The following GIPC2 variants were observed in gnomAD, a reference collection of about 807,000 sequenced individuals.
The protein encoded by GIPC2 is GIPC PDZ domain containing family member 2, also known as PDZ domain-containing protein GIPC2.
A neutral mutation model predicts 30.6 loss-of-function variants in GIPC2; 30 were observed. The ratio of observed to expected loss-of-function variants is 0.98; its 90% CI spans 0.73 to 1.33. The LOEUF (loss-of-function observed/expected upper bound fraction) is 1.33. GIPC2 is among the 40% of genes most tolerant of loss of function. GIPC2 has a pLI of 0.00. For missense variants in GIPC2, 414 were observed against 390.3 expected (o/e 1.06, Z -0.51); for synonymous variants, 167 against 150.0 (o/e 1.11, Z -0.83).
intron 1 of GIPC2, among the ~76,000 whole-genome samples, chr1:78,074,058 G>A (rs1046456157): frequency 6.6e-6 from 1 of 152,046 alleles, no homozygotes; most frequent in African/African-American, 2.4e-5. Context: ...TTTTTATGAG[G>A]AGAAATGCAA....
At position 78,046,269 on chromosome 1, in the gene GIPC2, G is replaced by A. The variant is rs991750984; in HGVS notation, c.175G>A (p.Gly59Ser). The A allele has an allele frequency of 3.1e-6, 5 of 1,611,706 alleles. No homozygotes were observed. The highest frequency in any genetic ancestry group is 1.7e-4 in the Middle Eastern group (1 of 6,028). Reference protein sequence around the residue: ...AHGSATGRVEGFSSIQELYAQ... With the variant: ...AHGSATGRVESFSSIQELYAQ... Reference sequence around the variant, plus strand: ...CGGTAGTGCCACGGGCCGAGTGGAGGGCTTCTCCAGCATCCAGGAGCTCTA... The same window carrying A: ...CGGTAGTGCCACGGGCCGAGTGGAGAGCTTCTCCAGCATCCAGGAGCTCTA... The change falls in exon 1 of 6, where the codon GGC (glycine) becomes AGC (serine). Residue 59 changes from glycine to serine, a missense_variant. By Grantham distance (56) the Gly-to-Ser change is moderately conservative. Coordinates refer to ENST00000370759, the MANE Select transcript of GIPC2 (RefSeq NM_017655.6).
intron 5 of GIPC2, among the ~76,000 whole-genome samples, chr1:78,134,566 C>G (rs1007694812): frequency 2.0e-5 from 3 of 152,118 alleles, no homozygotes; most frequent in Non-Finnish European, 2.9e-5. Flanking sequence ...ACTGCACCCC[C>G]ACCCTACTTC....
At chr1:78,079,369 A>C (rs1661784206) in intron 1 of GIPC2, among the ~76,000 whole-genome samples, 1 of 152,124 alleles carries the variant, frequency 6.6e-6, no homozygotes, top group Non-Finnish European at 1.5e-5. Flanking sequence ...TATTTTATGA[A>C]GCTCTTCTGA....
intron 3 of GIPC2, among the ~76,000 whole-genome samples, chr1:78,104,131 G>C (rs1212616155): frequency 6.8e-6 from 1 of 148,078 alleles, no homozygotes; most frequent in Non-Finnish European, 1.5e-5. Context: ...GCAAAACCAA[G>C]AGTAAATTTC....
chr1:78,087,993 A>T (rs1571498969), intron 2 of GIPC2, among the ~76,000 whole-genome samples: 1 of 151,494 alleles, frequency 6.6e-6, no homozygotes, highest in Non-Finnish European at 1.5e-5. Flanking sequence ...CAATAATATT[A>T]AAAAAAAAGC....
intron 1 of GIPC2, among the ~76,000 whole-genome samples, chr1:78,073,177 C>T (rs1395186284): frequency 1.3e-5 from 2 of 151,458 alleles, no homozygotes; most frequent in Admixed American, 6.6e-5. Flanking sequence ...GATCTCAGCT[C>T]ACTGCAACCT....
At chr1:78,103,114 C>A (rs755006941) in intron 3 of GIPC2, among the ~76,000 whole-genome samples, 1 of 152,222 alleles carries the variant, frequency 6.6e-6, no homozygotes, top group African/African-American at 2.4e-5. Context: ...ACTTCTAAAC[C>A]AAGCAGTCAG....
chr1:78,110,994 CT>C (rs1453085059), intron 3 of GIPC2, among the ~76,000 whole-genome samples: 1 of 152,204 alleles, frequency 6.6e-6, no homozygotes, highest in African/African-American at 2.4e-5. Flanking sequence ...GTCTGCAATA[CT>C]GAGGATTGCT....
intron 4 of GIPC2, among the ~76,000 whole-genome samples, chr1:78,121,172 G>A (rs616332): frequency 0.23 from 34,865 of 152,050 alleles, 4,554 homozygotes; most frequent in East Asian, 0.65. Flanking sequence ...CAAGAAGGGT[G>A]GAGGAAGAAA....
chr1:78,092,344 A>G (rs762097065), intron 2 of GIPC2, among the ~76,000 whole-genome samples: 6 of 152,218 alleles, frequency 3.9e-5, no homozygotes, highest in African/African-American at 9.6e-5. Flanking sequence ...GGAAACCTCT[A>G]TGTTTAATAA....
chr1:78,105,493 G>A (rs1662328457), intron 3 of GIPC2, among the ~76,000 whole-genome samples: 1 of 151,856 alleles, frequency 6.6e-6, no homozygotes, highest in Non-Finnish European at 1.5e-5. Flanking sequence ...TCACCATGTT[G>A]GCCAAGATGG....
At chr1:78,124,111 A>G (rs1662737140) in intron 4 of GIPC2, among the ~76,000 whole-genome samples, 1 of 152,254 alleles carries the variant, frequency 6.6e-6, no homozygotes, top group South Asian at 2.1e-4. Context: ...ATTTGCATGT[A>G]TAGTTGAGTA....
rs1054930504 is a variant in GIPC2, at chr1:78,078,113, G to A, written c.241-2562G>A. Among the ~76,000 whole-genome samples the A allele has an allele frequency of 6.8e-5, 10 of 147,940 alleles. No homozygotes were observed. In the South Asian group the frequency reaches 1.3e-3, roughly 20 times the overall value. ...TGAGGCAGGAGAATGGCGTGAACCC[G>A]GGAGGCGGAGCTTGCAGTGAGCCGA... On this transcript the variant is annotated intron_variant, in intron 1 of 5. Transcript: ENST00000370759.
intron 5 of GIPC2, among the ~76,000 whole-genome samples, chr1:78,127,376 A>T (rs965800869): frequency 1.3e-5 from 2 of 152,236 alleles, no homozygotes; most frequent in African/African-American, 2.4e-5. Flanking sequence ...TGAAGAAATC[A>T]GAAACATAAC....
intron 1 of GIPC2, among the ~76,000 whole-genome samples, chr1:78,078,242 A>G (rs1384262964): frequency 2.6e-5 from 4 of 151,294 alleles, no homozygotes; most frequent in Admixed American, 2.0e-4. Flanking sequence ...TTTGCAGTTC[A>G]AAATATAAAA....
chr1:78,094,827 C>G, intron 2 of GIPC2, 125 bp from the exon 3 acceptor site: 1 of 603,676 alleles, frequency 1.7e-6, no homozygotes, highest in Non-Finnish European at 2.9e-6. Context: ...ATCTGATATT[C>G]CCAGGCAGTC....
intron 3 of GIPC2, among the ~76,000 whole-genome samples, chr1:78,106,504 G>C (rs1464759176): frequency 6.6e-6 from 1 of 151,996 alleles, no homozygotes; most frequent in Non-Finnish European, 1.5e-5. Context: ...GGCTTGCAGT[G>C]AGCAGAGATC....
At chr1:78,122,236 G>A (rs947365998) in intron 4 of GIPC2, among the ~76,000 whole-genome samples, 3 of 152,156 alleles carry the variant, frequency 2.0e-5, no homozygotes, top group Admixed American at 6.5e-5. Context: ...GCTGTTTGGT[G>A]CTAATATTAA....
intron 1 of GIPC2, among the ~76,000 whole-genome samples, chr1:78,075,105 A>G (rs934999443): frequency 6.6e-5 from 10 of 152,168 alleles, no homozygotes; most frequent in African/African-American, 2.4e-4. Context: ...TTCAGCTGCA[A>G]GTAACAGAAA....
Sources: gnomAD v4.1 joint callset for allele counts (sites outside exome capture counted in the v4.1 genomes callset) on GRCh38, gnomAD v4.1.1 for gene constraint, MANE v1.5 for transcripts, NCBI Gene and HGNC (gene_info 2026-07-23, HGNC 2026-07-21) for gene names.